The following SPOCK2 variants were observed in gnomAD, a reference collection of about 807,000 sequenced individuals.
The protein encoded by SPOCK2 is testican-2.
Under a neutral mutation model 60.1 loss-of-function variants are expected in SPOCK2, and 39 were observed. That is an observed-to-expected ratio of 0.65 (90% CI 0.50 to 0.85). The LOEUF (loss-of-function observed/expected upper bound fraction) is 0.85, where lower values mean the gene tolerates loss of function less well. SPOCK2 is among the 40% of genes least tolerant of loss of function. The pLI is 0.00. For missense variants in SPOCK2, 523 were observed against 567.4 expected, an observed-to-expected ratio of 0.92 and a Z score of 0.80; for synonymous variants, 217 against 231.5, an observed-to-expected ratio of 0.94 and a Z score of 0.57.
Position 72,087,679 on chromosome 10 carries a change from C to G in SPOCK2, c.189+461G>C, listed in dbSNP as rs1402740109. Among the ~76,000 whole-genome samples, 1 of 152,224 alleles carries G rather than the reference C, an allele frequency of 6.6e-6. No homozygotes were observed. The highest frequency in any genetic ancestry group is 2.4e-5 in the African/African-American group (1 of 41,462). ...GGGCACCGCGCGAGCCGATGCCACC[C>G]TCACTGCCGGCCCCACCCAGACCTG... On this transcript the variant is annotated intron_variant, in intron 1 of 10. Coordinates refer to ENST00000373109, the MANE Select transcript of SPOCK2 (RefSeq NM_001244950.2). This position sits in a 1 kb window ranked among gnomAD's most constrained non-coding sequence, Gnocchi z 4.7.
At position 72,088,419 on chromosome 10, in the gene SPOCK2, T is replaced by A; in HGVS notation, c.-91A>T. 1 of 1,394,314 alleles carries A rather than the reference T, an allele frequency of 7.2e-7. No individual in the cohort carries two copies. Among genetic ancestry groups the A allele is most frequent in the Non-Finnish European group, 9.4e-7 (1 of 1,062,906 alleles). The allele number at this position is 1,394,314 out of a possible 1,614,324, so 86.4% of individuals were successfully genotyped here. ...CCGCTGCTGGCGAAGCGCACGCGGC[T>A]GTCCTCAGCTCTCCTCCCGCGGTCT... On this transcript the variant is annotated 5_prime_UTR_variant, in exon 1 of 11. Transcript: ENST00000373109.
At chr10:72,078,233 A>C (rs6480594) in intron 1 of SPOCK2, among the ~76,000 whole-genome samples, 19,744 of 152,212 alleles carry the variant, frequency 0.13, 1,363 homozygotes, top group Admixed American at 0.18. Flanking sequence ...TATAAATAAT[A>C]GGCCAGGCGC....
intron 1 of SPOCK2, among the ~76,000 whole-genome samples, chr10:72,084,684 G>T (rs1840831648): frequency 6.6e-6 from 1 of 152,196 alleles, no homozygotes; most frequent in Non-Finnish European, 1.5e-5. Flanking sequence ...AGATGACTTG[G>T]ATTCAAATCT....
intron 1 of SPOCK2, among the ~76,000 whole-genome samples, chr10:72,078,347 A>C (rs574098661): frequency 3.3e-5 from 5 of 151,878 alleles, no homozygotes; most frequent in Non-Finnish European, 7.4e-5. Flanking sequence ...CCCCATCTCT[A>C]CTAAAAATAC....
At chr10:72,088,613 A>C, upstream of SPOCK2, 2 of 316,482 alleles carry the variant, frequency 6.3e-6, no homozygotes, top group Admixed American at 5.0e-5. Context: ...ACATCATCAT[A>C]CCTGGTTTAA....
chr10:72,067,472 T>C, intron 7 of SPOCK2, 141 bp downstream of exon 7: 1 of 1,429,344 alleles, frequency 7.0e-7, no homozygotes, highest in Non-Finnish European at 9.3e-7. Flanking sequence ...TTCTTTGGGG[T>C]GAAGGTTCTT....
chr10:72,067,145 C>G (rs377183664), intron 7 of SPOCK2, 25 bp from the exon 8 acceptor site: 1 of 1,600,866 alleles, frequency 6.2e-7, no homozygotes, highest in South Asian at 1.1e-5. Flanking sequence ...GGTTCAGGCA[C>G]GCTTCATCTG....
chr10:72,088,339 G>A lies in SPOCK2; in HGVS notation c.-11C>T, dbSNP rs1840894305. Reference sequence around the variant, plus strand: ...GCCCGGGGCGCGCATCGTGGTCTGGGTTCGACCTGGGGGGGTCTTGACTTC... The same window carrying A: ...GCCCGGGGCGCGCATCGTGGTCTGGATTCGACCTGGGGGGGTCTTGACTTC... On this transcript the variant is annotated 5_prime_UTR_variant, in exon 1 of 11. Transcript: ENST00000373109. 6.6e-7 allele frequency: 1 copy of A among 1,520,512 alleles called. No homozygotes were observed. Among genetic ancestry groups the A allele is most frequent in the East Asian group, 2.3e-5 (1 of 43,388 alleles). 94.2% of individuals were successfully genotyped at this position (1,520,512 alleles called of 1,614,324 possible). A position where few individuals can be genotyped will look rare whatever the true frequency, so the allele number is the denominator to read the frequency against.
intron 4 of SPOCK2, among the ~76,000 whole-genome samples, chr10:72,071,864 G>A (rs1840650772): frequency 6.6e-6 from 1 of 152,058 alleles, no homozygotes; most frequent in South Asian, 2.1e-4. Flanking sequence ...GAGCTTAGAA[G>A]TGGATCCTCC....
intron 4 of SPOCK2, among the ~76,000 whole-genome samples, chr10:72,070,777 T>A (rs1840637006): frequency 6.6e-6 from 1 of 151,832 alleles, no homozygotes; most frequent in African/African-American, 2.4e-5. Context: ...ACTGATGACC[T>A]CTGGGCCATA....
chr10:72,076,545 C>T (rs1174824776), intron 1 of SPOCK2, among the ~76,000 whole-genome samples: 1 of 152,080 alleles, frequency 6.6e-6, no homozygotes, highest in Non-Finnish European at 1.5e-5. Context: ...CTTATATATG[C>T]TTATCTATCT....
intron 6 of SPOCK2, 93 bp downstream of exon 6, chr10:72,068,094 C>A (rs754276529): frequency 7.8e-6 from 11 of 1,413,838 alleles, no homozygotes; most frequent in Non-Finnish European, 1.1e-5. Context: ...TTCCCTCTTG[C>A]TCTGCACACC....
intron 1 of SPOCK2, among the ~76,000 whole-genome samples, chr10:72,080,135 C>T (rs898464823): frequency 5.3e-5 from 8 of 152,086 alleles, no homozygotes; most frequent in Admixed American, 5.2e-4. Flanking sequence ...CAAGGGGTCT[C>T]AATATGGACA....
intron 1 of SPOCK2, among the ~76,000 whole-genome samples, chr10:72,076,349 G>T (rs1242040243): frequency 6.6e-6 from 1 of 152,206 alleles, no homozygotes; most frequent in African/African-American, 2.4e-5. Flanking sequence ...GCAGTGTTGG[G>T]TGTCTATTTA....
chr10:72,063,049 G>A lies in SPOCK2; in HGVS notation c.1105C>T (p.Arg369Cys), dbSNP rs1368653698. ...CCGCAGTCGGGGCTCCCATGCGTGC[G>A]CGTGCCAGTCAGCTCCAGGCCCAGC... ...DQLGLELTGT[R>C]THGSPDCDDI... The change falls in exon 10 of 11, where the codon CGC (arginine) becomes TGC (cysteine). Residue 369 changes from arginine to cysteine, a missense_variant. By Grantham distance (180) the Arg-to-Cys change is radical (BLOSUM62 -3). Coordinates refer to ENST00000373109, the MANE Select transcript of SPOCK2 (RefSeq NM_001244950.2). 7.1e-6 allele frequency: 11 copies of A among 1,553,538 alleles called. No homozygotes were observed. Among genetic ancestry groups the A allele is most frequent in the South Asian group, 1.2e-5 (1 of 84,244 alleles).
Position 72,088,450 on chromosome 10 carries a change from C to T in SPOCK2, c.-122G>A. 1 of 1,176,562 alleles carries T rather than the reference C, an allele frequency of 8.5e-7. No individual in the cohort carries two copies. Among genetic ancestry groups the T allele is most frequent in the Non-Finnish European group, 1.2e-6 (1 of 867,356 alleles). 72.9% of individuals were successfully genotyped at this position (1,176,562 alleles called of 1,614,324 possible). ...CAGCTCTCCTCCCGCGGTCTGCCTC[C>T]GGTGACTGGCGGAGAGTGGGTCGCG... On this transcript the variant is annotated 5_prime_UTR_variant, in exon 1 of 11. Coordinates refer to ENST00000373109, the MANE Select transcript of SPOCK2 (RefSeq NM_001244950.2).
At chr10:72,072,459 TCA>T in intron 3 of SPOCK2, 42 bp downstream of exon 3, 1 of 1,613,066 alleles carries the variant, frequency 6.2e-7, no homozygotes, top group Non-Finnish European at 8.5e-7. Flanking sequence ...TCTCAAGTCT[TCA>T]CACGTGTCAG....
chr10:72,068,165 G>A, intron 6 of SPOCK2, 22 bp downstream of exon 6: 1 of 1,596,978 alleles, frequency 6.3e-7, no homozygotes, highest in Non-Finnish European at 8.5e-7. Flanking sequence ...CCCCTAGCCT[G>A]GTGGCCCAGC....
chr10:72,070,234 C>A (rs1589120285), intron 5 of SPOCK2, 78 bp downstream of exon 5: 2 of 1,448,128 alleles, frequency 1.4e-6, no homozygotes, highest in Non-Finnish European at 1.9e-6. Flanking sequence ...TCCGGAGGCC[C>A]CAGCTGGGTC....
Sources: allele counts gnomAD v4.1 joint callset (sites outside exome capture counted in the v4.1 genomes callset), GRCh38; gene constraint gnomAD v4.1.1; non-coding constraint Gnocchi (gnomAD v3.1); transcripts MANE v1.5; gene names NCBI Gene and HGNC (gene_info 2026-07-23, HGNC 2026-07-21).